The following CUBN variants were observed in gnomAD, a reference collection of about 807,000 sequenced individuals.
CUBN encodes the protein cubilin, also known as 460 kDa receptor.
Under a neutral mutation model 405.3 loss-of-function variants are expected in CUBN, and 282 were observed. The observed-to-expected ratio is 0.70, with a 90% CI of 0.63 to 0.77. CUBN has a LOEUF of 0.77. Among genes scored for constraint, CUBN ranks in the 30% least tolerant of loss-of-function variants. The pLI, the probability that CUBN is intolerant of heterozygous loss-of-function variation, is 0.00. For missense variants in CUBN, 4,514 were observed against 4,475.2 expected (o/e 1.01, Z -0.25); for synonymous variants, 1,684 against 1,617.0 (o/e 1.04, Z -0.99).
chr10:16,942,823 G>A (rs1842687274), intron 36 of CUBN, among the ~76,000 whole-genome samples: 1 of 141,278 alleles, frequency 7.1e-6, no homozygotes, highest in South Asian at 2.3e-4. Context: ...GGGAAGGGAA[G>A]GGAAAAGGAA....
chr10:16,829,928 G>GT (rs140936674), intron 65 of CUBN, among the ~76,000 whole-genome samples: 49,720 of 145,000 alleles, frequency 0.34, 8,911 homozygotes, highest in East Asian at 0.51. Flanking sequence ...TTCATGGTGG[G>GT]TTTTTTTTGT....
intron 59 of CUBN, among the ~76,000 whole-genome samples, chr10:16,867,294 C>A (rs1840215250): frequency 6.6e-6 from 1 of 152,136 alleles, no homozygotes. Context: ...AAAGGGGCAT[C>A]CTATTAGCCA....
At chr10:16,953,211 C>T (rs1842965545) in intron 32 of CUBN, among the ~76,000 whole-genome samples, 1 of 152,032 alleles carries the variant, frequency 6.6e-6, no homozygotes. Flanking sequence ...TTGTTACAGT[C>T]CGGATGAAAG....
intron 55 of CUBN, 150 bp from the exon 56 acceptor site, chr10:16,888,716 C>A: frequency 1.4e-6 from 1 of 720,998 alleles, no homozygotes; most frequent in South Asian, 1.6e-5. Context: ...GAGAATAAAG[C>A]TCTGATTTAA....
Position 16,939,253 on chromosome 10 carries a change from G to A in CUBN, c.5549-106C>T. The A allele has an allele frequency of 3.4e-6, 3 of 887,796 alleles. 1 individual carries two copies. The highest frequency in any genetic ancestry group is 5.5e-6 in the Non-Finnish European group (3 of 540,720). The allele number at this position is 887,796 out of a possible 1,614,324, so 55.0% of individuals were successfully genotyped here. On this transcript the variant is annotated intron_variant, in intron 37 of 66. Transcript: ENST00000377833. ...TGTTGAAAAGGATGGACTTTTAATT[G>A]ACTGTGATTTCTTTTCTGACTAGGG...
intron 22 of CUBN, among the ~76,000 whole-genome samples, chr10:17,065,129 T>TCCCC (rs11368099): frequency 1.1e-4 from 13 of 121,524 alleles, no homozygotes; most frequent in Non-Finnish European, 1.6e-4. Flanking sequence ...TCTCTCTCTC[T>TCCCC]CCCCCCCCCC....
chr10:16,966,651 G>T (rs1843399930), intron 31 of CUBN, among the ~76,000 whole-genome samples: 1 of 152,112 alleles, frequency 6.6e-6, no homozygotes, highest in Non-Finnish European at 1.5e-5. Context: ...GTCTCACCAT[G>T]TTGGCCAGGC....
At chr10:17,016,492 C>T (rs866737516) in intron 28 of CUBN, among the ~76,000 whole-genome samples, 2 of 152,304 alleles carry the variant, frequency 1.3e-5, no homozygotes, top group Middle Eastern at 3.4e-3. Context: ...CTAACAATAG[C>T]AAGATATCTC....
At chr10:16,987,775 A>T (rs2131708791) in intron 29 of CUBN, among the ~76,000 whole-genome samples, 1 of 152,312 alleles carries the variant, frequency 6.6e-6, no homozygotes, top group East Asian at 1.9e-4. Flanking sequence ...CATTAGCCCA[A>T]TTTTATTACA....
chr10:16,857,500 CATT>C (rs1839895857), intron 59 of CUBN, among the ~76,000 whole-genome samples: 1 of 152,176 alleles, frequency 6.6e-6, no homozygotes, highest in Admixed American at 6.5e-5. Flanking sequence ...ATGCATACAT[CATT>C]AGCCCCAGGG....
In CUBN at chr10:17,085,728, A is replaced by C. The variant is rs538292107; in HGVS notation, c.1979T>G (p.Leu660Arg). The C allele has an allele frequency of 3.1e-6, 5 of 1,614,086 alleles. No individual in the cohort carries two copies. The highest frequency in any genetic ancestry group is 2.7e-5 in the African/African-American group (2 of 75,040). Residue 660 changes from leucine (L) to arginine (R), a missense_variant, in exon 16 of 67, where the codon CTT (leucine) becomes CGT (arginine). This residue lies in a region of CUBN where 1,448 missense variants were observed against 1,388.0 expected (regional missense o/e 1.04). Coordinates refer to ENST00000377833, the MANE Select transcript of CUBN (RefSeq NM_001081.4). Reference sequence around the variant, plus strand: ...GAAAGTGGTGCAGAACTTCCCAAGAAGGGGGTCCTGATACAAAGGACCATC... The same window carrying C: ...GAAAGTGGTGCAGAACTTCCCAAGACGGGGGTCCTGATACAAAGGACCATC... Reference protein sequence around the residue: ...IRDGPLYQDPLLGKFCTTFSV... With the variant: ...IRDGPLYQDPRLGKFCTTFSV...
intron 61 of CUBN, 106 bp from the exon 62 acceptor site, chr10:16,840,641 T>C: frequency 1.0e-6 from 1 of 983,670 alleles, no homozygotes; most frequent in Middle Eastern, 3.1e-4. Flanking sequence ...AGGAGCTATA[T>C]TTTCATTACT....
At chr10:16,943,890 T>C (rs980953084) in intron 36 of CUBN, among the ~76,000 whole-genome samples, 13 of 152,198 alleles carry the variant, frequency 8.5e-5, no homozygotes. Flanking sequence ...CCGTTGGACA[T>C]GGTGGTAGGC....
intron 35 of CUBN, among the ~76,000 whole-genome samples, chr10:16,947,782 G>A (rs766719287): frequency 6.6e-6 from 1 of 152,204 alleles, no homozygotes; most frequent in East Asian, 1.9e-4. Flanking sequence ...GTGTTCTGTA[G>A]CTTTTAACCA....
chr10:16,830,337 G>A lies in CUBN; in HGVS notation c.10528+915C>T, dbSNP rs574976651. Among the ~76,000 whole-genome samples, 6 of 152,144 alleles carry A rather than the reference G, an allele frequency of 3.9e-5. No individual in the cohort carries two copies. In the South Asian group the frequency reaches 1.0e-3, roughly 26 times the overall value. On this transcript the variant is annotated intron_variant, in intron 65 of 66. Coordinates refer to ENST00000377833, the MANE Select transcript of CUBN (RefSeq NM_001081.4). ...TTACCCACGATTATCTTTATAGAAC[G>A]CTTTTCTTAAGATATTTAAAGTGAG...
At chr10:16,973,722 C>T (rs1170507071) in intron 31 of CUBN, among the ~76,000 whole-genome samples, 1 of 152,178 alleles carries the variant, frequency 6.6e-6, no homozygotes, top group Non-Finnish European at 1.5e-5. Context: ...GCTCCCACTC[C>T]TGAGTGAGAA....
rs150309054 is a variant in CUBN at position 17,110,971 on chromosome 10, G to T, written c.963C>A (p.Pro321=). The stretch of plus-strand genomic sequence containing the variant: ...ACCCAGGTGTATTCACACACTCAAC[G>T]GGTGGAGCCACAGAACAGCCGCCGT... The part of the protein sequence containing the change: ...INNGGCSVAP[P]VECVNTPGSS... Residue 321 remains proline (P), a synonymous_variant, in exon 9 of 67, where the codon CCC becomes CCA. Coordinates refer to ENST00000377833, the MANE Select transcript of CUBN (RefSeq NM_001081.4). The T allele has an allele frequency of 6.2e-7, 1 of 1,614,196 alleles. No homozygotes were observed. Among genetic ancestry groups the T allele is most frequent in the South Asian group, 1.1e-5 (1 of 91,088 alleles).
rs1404267116 is a variant in CUBN, at chr10:17,045,020, A to G, written c.3659T>C (p.Leu1220Ser). ...CATTATACATACAGCCAGGTAATCT[A>G]AAGTGCAGTTTGGATGATGCTCCAA... ...FHLEHHPNCT[L>S]DYLAVYDGPS... is the part of the protein sequence containing the mutation. Residue 1220 changes from leucine to serine, a missense_variant, in exon 25 of 67, where the codon TTA becomes TCA. Transcript: ENST00000377833. 3.1e-6 allele frequency: 5 copies of G among 1,613,882 alleles called. No individual in the cohort carries two copies. Among genetic ancestry groups the G allele is most frequent in the African/African-American group, 2.7e-5 (2 of 74,912 alleles).
At chr10:17,014,385 G>A (rs2356211) in intron 28 of CUBN, among the ~76,000 whole-genome samples, 60,304 of 151,976 alleles carry the variant, frequency 0.4, 12,295 homozygotes, top group East Asian at 0.59. Context: ...CATTCTACTA[G>A]ATGAGTATTT....
Sources: gnomAD v4.1 joint callset for allele counts (sites outside exome capture counted in the v4.1 genomes callset) on GRCh38, gnomAD v4.1.1 for gene constraint, gnomAD v4.1.1 regional missense constraint, MANE v1.5 for transcripts, NCBI Gene and HGNC (gene_info 2026-07-23, HGNC 2026-07-21) for gene names.